Variants in MALT1 observed in about 807,000 individuals in gnomAD.
The protein encoded by MALT1 is MALT1 paracaspase.
In MALT1, 36 loss-of-function variants were observed where a neutral mutation model predicts 85.5. The observed-to-expected ratio is 0.42, with a 90% CI of 0.32 to 0.56. MALT1 has a LOEUF of 0.56. Among genes scored for constraint, MALT1 ranks in the 20% least tolerant of loss-of-function variants. MALT1 has a pLI of 0.10. For synonymous variants in MALT1, 359 were observed against 361.3 expected (o/e 0.99, Z 0.07); for missense variants, 716 against 981.6 (o/e 0.73, Z 3.62).
At chr18:58,678,911 A>G (rs143304328) in intron 1 of MALT1, among the ~76,000 whole-genome samples, 1 of 152,316 alleles carries the variant, frequency 6.6e-6, no homozygotes, top group Non-Finnish European at 1.5e-5. Context: ...TGGGACTGTA[A>G]TTCAAATTGG....
At chr18:58,722,729 C>T (rs1261944147) in intron 9 of MALT1, among the ~76,000 whole-genome samples, 1 of 151,992 alleles carries the variant, frequency 6.6e-6, no homozygotes, top group East Asian at 1.9e-4. Flanking sequence ...ATATTATATC[C>T]CTTTTGTTAT....
chr18:58,736,549 G>A (rs193108906), intron 13 of MALT1, among the ~76,000 whole-genome samples: 21 of 152,020 alleles, frequency 1.4e-4, no homozygotes, highest in Admixed American at 8.5e-4. Context: ...TTTCAATTTC[G>A]TTTTTAAGTC....
At position 58,748,564 on chromosome 18, in the gene MALT1, A is replaced by T. The variant is rs1323605443; in HGVS notation, c.*722A>T. On this transcript the variant is annotated 3_prime_UTR_variant, in exon 17 of 17. Transcript: ENST00000649217. The stretch of plus-strand genomic sequence containing the variant: ...TATGAAACCACATGAGAAGTGATAA[A>T]ATGTTTGTTAAAGCTAGATAGAGGT... 3 of 187,956 alleles carry T rather than the reference A, an allele frequency of 1.6e-5. No individual in the cohort carries two copies. The highest frequency in any genetic ancestry group is 2.3e-5 in the African/African-American group (1 of 42,976). The allele number at this position is 187,956 out of a possible 1,614,324, so 11.6% of individuals were successfully genotyped here.
chr18:58,698,078 T>TTG lies in MALT1; in HGVS notation c.498+1592_498+1593insGT, dbSNP rs1216627236. Among the ~76,000 whole-genome samples the TTG allele has an allele frequency of 2.3e-3, 344 of 149,314 alleles. 2 individuals are homozygous for TTG. Among genetic ancestry groups the TTG allele is most frequent in the African/African-American group, 8.0e-3 (328 of 40,894 alleles). On this transcript the variant is annotated intron_variant, in intron 3 of 16. Coordinates refer to ENST00000649217, the MANE Select transcript of MALT1 (RefSeq NM_006785.4). ...TGTTGTTTTGTTTTGTTTTTTTGTT[T>TTG]TTTTTTTGAGATGGAGTCTCGCTCT...
intron 14 of MALT1, among the ~76,000 whole-genome samples, chr18:58,742,885 G>A (rs964313779): frequency 3.3e-5 from 5 of 152,182 alleles, no homozygotes; most frequent in Non-Finnish European, 5.9e-5. Context: ...AGAAGATGAC[G>A]TGAAAATCAA....
chr18:58,706,542 C>A (rs902438673), intron 4 of MALT1, among the ~76,000 whole-genome samples: 2 of 152,120 alleles, frequency 1.3e-5, no homozygotes, highest in African/African-American at 4.8e-5. Context: ...TCCTTCTGAC[C>A]CAGGTTGCTA....
At position 58,700,479 on chromosome 18, in the gene MALT1, A is replaced by G; in HGVS notation, c.537A>G (p.Ala179=). The change falls in exon 4 of 17, where the codon GCA becomes GCG. Residue 179 remains alanine (A), a synonymous_variant. Transcript: ENST00000649217. ...NGNTSELIFN[A]VHVKDAGFYV... is the part of the protein sequence containing the mutation. ...ATACATCAGAGCTTATTTTTAATGC[A>G]GTGCATGTAAAAGATGCAGGCTTTT... 5 of 1,607,196 alleles carry G rather than the reference A, an allele frequency of 3.1e-6. No individual in the cohort carries two copies. In the South Asian group the frequency reaches 4.5e-5, roughly 14 times the overall value.
chr18:58,696,143 A>G, intron 2 of MALT1, among the ~76,000 whole-genome samples: 1 of 152,224 alleles, frequency 6.6e-6, no homozygotes, highest in East Asian at 1.9e-4. Context: ...GGGAAGTACA[A>G]TAGATCAAAG....
chr18:58,709,626 G>C (rs1184311543), intron 5 of MALT1, 70 bp downstream of exon 5: 6 of 1,263,886 alleles, frequency 4.7e-6, no homozygotes, highest in Non-Finnish European at 6.5e-6. Context: ...TGAAATATAA[G>C]GTGAACATTA....
chr18:58,672,398 CTCT>C (rs2054177927), intron 1 of MALT1: 1 of 152,228 alleles, frequency 6.6e-6, no homozygotes, highest in Admixed American at 6.5e-5. Flanking sequence ...TTACCACGTT[CTCT>C]TCTTGACTTC....
intron 10 of MALT1, among the ~76,000 whole-genome samples, chr18:58,725,602 G>A (rs2055044217): frequency 6.6e-6 from 1 of 152,198 alleles, no homozygotes; most frequent in Admixed American, 6.5e-5. Context: ...TTCACTAGAA[G>A]TGATGAGGTG....
chr18:58,696,612 T>C, intron 3 of MALT1, 125 bp downstream of exon 3: 1 of 723,700 alleles, frequency 1.4e-6, no homozygotes, highest in Non-Finnish European at 2.1e-6. Context: ...ATTGCTAGGT[T>C]ATTACTGAAG....
At position 58,743,851 on chromosome 18, in the gene MALT1, AAAT is replaced by A. The variant is rs2055332864; in HGVS notation, c.1754-483_1754-481del. 4.6e-5 allele frequency among the ~76,000 whole-genome samples: 7 copies of A among 152,192 alleles called. No individual in the cohort carries two copies. In the South Asian group the frequency reaches 1.4e-3, roughly 31 times the overall value. Reference sequence around the variant, plus strand: ...AAACTTTATATTCCATGCAAATTGAAAATAATTTGTCCCATATGTAAAGGAACA... The same window carrying A: ...AAACTTTATATTCCATGCAAATTGAAAATTTGTCCCATATGTAAAGGAACA... On this transcript the variant is annotated intron_variant, in intron 14 of 16. Coordinates refer to ENST00000649217, the MANE Select transcript of MALT1 (RefSeq NM_006785.4).
chr18:58,734,207 T>C, intron 11 of MALT1, 100 bp from the exon 12 acceptor site: 1 of 1,089,018 alleles, frequency 9.2e-7, no homozygotes, highest in Non-Finnish European at 1.3e-6. Flanking sequence ...AAATTATGTA[T>C]TCTAAAAAAC....
intron 13 of MALT1, among the ~76,000 whole-genome samples, chr18:58,737,158 C>A (rs891199229): frequency 7.2e-5 from 11 of 151,926 alleles, no homozygotes; most frequent in African/African-American, 2.4e-4. Context: ...CTGGGCAACA[C>A]AGCAAGACCC....
intron 10 of MALT1, among the ~76,000 whole-genome samples, chr18:58,729,679 T>C (rs897991904): frequency 6.6e-6 from 1 of 152,162 alleles, no homozygotes; most frequent in Non-Finnish European, 1.5e-5. Context: ...AGATTGTGTA[T>C]ATGAAAGTCC....
intron 4 of MALT1, among the ~76,000 whole-genome samples, chr18:58,701,150 T>C (rs908478206): frequency 6.6e-6 from 1 of 151,982 alleles, no homozygotes; most frequent in South Asian, 2.1e-4. Context: ...CACACACATA[T>C]ATGTGTGTGT....
intron 8 of MALT1, 67 bp from the exon 9 acceptor site, chr18:58,715,868 T>C: frequency 9.6e-7 from 1 of 1,042,012 alleles, no homozygotes; most frequent in Non-Finnish European, 1.5e-6. Context: ...TATATACTTT[T>C]CATGTATCTT....
At position 58,739,080 on chromosome 18, in the gene MALT1, GAAGAA is replaced by G. The variant is rs151067738; in HGVS notation, c.1604-2782_1604-2778del. Among the ~76,000 whole-genome samples, 1,154 of 152,134 alleles carry G rather than the reference GAAGAA, an allele frequency of 7.6e-3. 19 individuals are homozygous for G. The highest frequency in any genetic ancestry group is 0.027 in the African/African-American group (1,115 of 41,478). ...TAAATGGTTTTTCTGCAGCTATGAAGAAGAAAATAGGATGTTTCTTTTCTTTCAAT... is the reference window on the plus strand; with the variant it reads ...TAAATGGTTTTTCTGCAGCTATGAAGAATAGGATGTTTCTTTTCTTTCAAT... On this transcript the variant is annotated intron_variant, in intron 13 of 16. Transcript: ENST00000649217.
Sources: gnomAD v4.1 joint callset for allele counts (sites outside exome capture counted in the v4.1 genomes callset) on GRCh38, gnomAD v4.1.1 for gene constraint, MANE v1.5 for transcripts, NCBI Gene and HGNC (gene_info 2026-07-23, HGNC 2026-07-21) for gene names.